Variants in NRXN1 observed in about 807,000 individuals in gnomAD.
NRXN1 encodes the protein neurexin-1.
A neutral mutation model predicts 150.9 loss-of-function variants in NRXN1; 39 were observed. That is an observed-to-expected ratio of 0.26 (90% CI 0.20 to 0.34). The LOEUF (loss-of-function observed/expected upper bound fraction) is 0.34, where lower values mean the gene tolerates loss of function less well. NRXN1 is among the 10% of genes least tolerant of loss of function. NRXN1 has a pLI of 1.00. For missense variants in NRXN1, 1,815 were observed against 1,949.9 expected, an observed-to-expected ratio of 0.93 and a Z score of 1.30; for synonymous variants, 924 against 757.0, an observed-to-expected ratio of 1.22 and a Z score of -3.62.
At chr2:50,976,621 A>G (rs988648848) in intron 2 of NRXN1, among the ~76,000 whole-genome samples, 3 of 152,158 alleles carry the variant, frequency 2.0e-5, no homozygotes, top group African/African-American at 7.2e-5. Flanking sequence ...ATATTAATAA[A>G]GGAAAAGTGA....
intron 5 of NRXN1, among the ~76,000 whole-genome samples, chr2:50,817,708 A>C (rs1424141147): frequency 6.6e-6 from 1 of 152,120 alleles, no homozygotes. Flanking sequence ...CAACATACCA[A>C]AAGCAAATCA....
chr2:49,952,541 C>CTGAG (rs1483933173), intron 21 of NRXN1, among the ~76,000 whole-genome samples: 1 of 152,046 alleles, frequency 6.6e-6, no homozygotes, highest in Non-Finnish European at 1.5e-5. Flanking sequence ...AAAATCTTTT[C>CTGAG]TGAAATTATT....
At chr2:50,551,044 G>GAAGAAGAA (rs1491286570) in intron 9 of NRXN1, among the ~76,000 whole-genome samples, 78 of 66,070 alleles carry the variant, frequency 1.2e-3, no homozygotes, top group African/African-American at 2.0e-3. Context: ...AAGAGGAAGA[G>GAAGAAGAA]GAAGAGGAAG....
At chr2:49,995,876 A>C (rs959559014) in intron 21 of NRXN1, among the ~76,000 whole-genome samples, 1 of 140,896 alleles carries the variant, frequency 7.1e-6, no homozygotes, top group Non-Finnish European at 1.6e-5. Flanking sequence ...AAAAAAAAAA[A>C]AAAAAAAGAA....
At chr2:50,356,510 G>A (rs1355086080) in intron 17 of NRXN1, among the ~76,000 whole-genome samples, 1 of 152,060 alleles carries the variant, frequency 6.6e-6, no homozygotes, top group Non-Finnish European at 1.5e-5. Flanking sequence ...TTTTGTAAAA[G>A]AATTACTTTC....
At chr2:50,154,176 G>C (rs2058870320) in intron 18 of NRXN1, among the ~76,000 whole-genome samples, 1 of 151,398 alleles carries the variant, frequency 6.6e-6, no homozygotes, top group Non-Finnish European at 1.5e-5. Flanking sequence ...ACTCCTCTTT[G>C]AAGATTATTT....
At chr2:50,585,255 G>GTA (rs1672909664) in intron 8 of NRXN1, among the ~76,000 whole-genome samples, 3 of 152,038 alleles carry the variant, frequency 2.0e-5, no homozygotes, top group Non-Finnish European at 4.4e-5. Flanking sequence ...CTACCCTTAA[G>GTA]TAAAATAAGC....
chr2:50,885,852 C>CACACACA, intron 5 of NRXN1, among the ~76,000 whole-genome samples: 1 of 150,548 alleles, frequency 6.6e-6, no homozygotes. Context: ...CACACACACA[C>CACACACA]GTCTATACCA....
chr2:50,858,624 T>C (rs1308947071), intron 5 of NRXN1, among the ~76,000 whole-genome samples: 1 of 152,260 alleles, frequency 6.6e-6, no homozygotes, highest in East Asian at 1.9e-4. Context: ...ATGCTTCTTA[T>C]TTGCAAATCA....
intron 17 of NRXN1, among the ~76,000 whole-genome samples, chr2:50,350,213 A>G (rs79247864): frequency 1.3e-5 from 2 of 152,198 alleles, no homozygotes; most frequent in African/African-American, 4.8e-5. Flanking sequence ...TGATTCATCA[A>G]CATTGAACTC....
intron 21 of NRXN1, among the ~76,000 whole-genome samples, chr2:50,042,191 T>C (rs1691084078): frequency 6.6e-6 from 1 of 152,190 alleles, no homozygotes; most frequent in African/African-American, 2.4e-5. Flanking sequence ...AAATATTGAT[T>C]AATCTAGGAA....
At chr2:50,068,828 T>C (rs1695769045) in intron 19 of NRXN1, among the ~76,000 whole-genome samples, 2 of 152,106 alleles carry the variant, frequency 1.3e-5, no homozygotes, top group Non-Finnish European at 2.9e-5. Context: ...GAGTGGAAAA[T>C]AAATCTATTA....
chr2:49,952,557 A>C (rs1202324789), intron 21 of NRXN1, among the ~76,000 whole-genome samples: 1 of 152,108 alleles, frequency 6.6e-6, no homozygotes, highest in African/African-American at 2.4e-5. Context: ...TTATTGTTTT[A>C]AAGACCTTAC....
At chr2:50,765,804 G>T (rs1458762188) in intron 5 of NRXN1, among the ~76,000 whole-genome samples, 2 of 152,026 alleles carry the variant, frequency 1.3e-5, no homozygotes, top group Admixed American at 1.3e-4. Flanking sequence ...ATTTTTTGAA[G>T]CTATCAGAAG....
chr2:50,660,787 C>T (rs1466235788), intron 5 of NRXN1, among the ~76,000 whole-genome samples: 2 of 152,000 alleles, frequency 1.3e-5, no homozygotes, highest in South Asian at 4.1e-4. Context: ...CCTCCCAGAA[C>T]CTCACGTAGT....
intron 18 of NRXN1, among the ~76,000 whole-genome samples, chr2:50,139,155 AT>A (rs1342062404): frequency 6.6e-6 from 1 of 151,930 alleles, no homozygotes; most frequent in Non-Finnish European, 1.5e-5. Context: ...GTGAAACGCC[AT>A]CTCTACTAAA....
chr2:50,707,308 G>A (rs896420031), intron 5 of NRXN1, among the ~76,000 whole-genome samples: 2 of 152,042 alleles, frequency 1.3e-5, no homozygotes, highest in Non-Finnish European at 2.9e-5. Flanking sequence ...TTAGCCCCTC[G>A]CACATTTACA....
chr2:50,380,487 T>C (rs559881294), intron 17 of NRXN1, among the ~76,000 whole-genome samples: 25 of 152,192 alleles, frequency 1.6e-4, no homozygotes, highest in African/African-American at 4.8e-4. Context: ...TTGATAATAA[T>C]AGTAGAGTGG....
chr2:50,879,204 T>A (rs1432400633), intron 5 of NRXN1, among the ~76,000 whole-genome samples: 1 of 151,866 alleles, frequency 6.6e-6, no homozygotes. Context: ...ATATAGAAAT[T>A]CTGCCCGAGT....
Sources: gnomAD v4.1 joint callset for allele counts (sites outside exome capture counted in the v4.1 genomes callset) on GRCh38, gnomAD v4.1.1 for gene constraint, MANE v1.5 for transcripts, NCBI Gene and HGNC (gene_info 2026-07-23, HGNC 2026-07-21) for gene names.